Variants in DSTN observed in about 807,000 individuals in gnomAD.
DSTN encodes destrin, actin depolymerizing factor.
Under a neutral mutation model 16.8 loss-of-function variants are expected in DSTN, and 10 were observed. That is an observed-to-expected ratio of 0.60 (90% CI 0.37 to 1.01). The LOEUF (loss-of-function observed/expected upper bound fraction) is 1.01. DSTN is among the 50% of genes least tolerant of loss of function. The pLI is 0.01. For synonymous variants in DSTN, 57 were observed against 58.9 expected (o/e 0.97, Z 0.14); for missense variants, 141 against 196.7 (o/e 0.72, Z 1.69).
chr20:17,602,962 G>A (rs902220620), intron 2 of DSTN, among the ~76,000 whole-genome samples: 4 of 152,348 alleles, frequency 2.6e-5, no homozygotes, highest in Admixed American at 6.5e-5. Flanking sequence ...AGAGGTTGCA[G>A]TGAGCTGAGA....
intron 1 of DSTN, among the ~76,000 whole-genome samples, chr20:17,583,348 C>T (rs2035367385): frequency 6.6e-6 from 1 of 152,146 alleles, no homozygotes; most frequent in African/African-American, 2.4e-5. Flanking sequence ...CCTACATATC[C>T]AAGCAAAATG....
At chr20:17,606,934 G>A (rs1246707868) in intron 3 of DSTN, 103 bp from the exon 4 acceptor site, 6 of 1,087,604 alleles carry the variant, frequency 5.5e-6, no homozygotes, top group Non-Finnish European at 6.7e-6. Context: ...ATATACCCCA[G>A]TTTATCCAGA....
At chr20:17,604,682 A>T in intron 3 of DSTN, 51 bp downstream of exon 3, 1 of 1,544,626 alleles carries the variant, frequency 6.5e-7, no homozygotes, top group South Asian at 1.2e-5. Flanking sequence ...AACACTCAGA[A>T]TGGGGCAGCA....
At chr20:17,591,547 A>G (rs930571459) in intron 1 of DSTN, among the ~76,000 whole-genome samples, 1 of 152,226 alleles carries the variant, frequency 6.6e-6, no homozygotes, top group African/African-American at 2.4e-5. Flanking sequence ...CCCTATAGCA[A>G]TGAGCTACGA....
At chr20:17,591,749 C>T (rs1292615173) in intron 1 of DSTN, among the ~76,000 whole-genome samples, 2 of 152,144 alleles carry the variant, frequency 1.3e-5, no homozygotes, top group Admixed American at 6.5e-5. Context: ...GTTAAAGGAA[C>T]AAATTTAATT....
At chr20:17,605,760 GC>G (rs1452634974) in intron 3 of DSTN, among the ~76,000 whole-genome samples, 7 of 152,086 alleles carry the variant, frequency 4.6e-5, no homozygotes, top group African/African-American at 1.7e-4. Context: ...ATTCTGCATT[GC>G]CTTTCAGTAA....
In DSTN at chr20:17,583,735, C is replaced by CTTTTTTTTTTTTTTTTTTTTTTTTT. The variant is rs71192397; in HGVS notation, c.3+13547_3+13548insTTTTTTTTTTTTTTTTTTTTTTTTT. Among the ~76,000 whole-genome samples, 3 of 72,492 alleles carry CTTTTTTTTTTTTTTTTTTTTTTTTT rather than the reference C, an allele frequency of 4.1e-5. 1 individual carries two copies. Among genetic ancestry groups the CTTTTTTTTTTTTTTTTTTTTTTTTT allele is most frequent in the African/African-American group, 1.6e-4 (3 of 18,394 alleles). The allele number at this position is 72,492 out of a possible 152,430, so 47.6% of individuals were successfully genotyped here. On this transcript the variant is annotated intron_variant, in intron 1 of 3. Transcript: ENST00000246069. ...ATGACTGCTAATGGGTTTGGAGTTT[C>CTTTTTTTTTTTTTTTTTTTTTTTTT]TTTTTTTTTTTTTTTTTTTTTTTGA...
In DSTN at chr20:17,576,182, T is replaced by A. The variant is rs2035276501; in HGVS notation, c.3+5971T>A. 5 of 152,378 alleles carry A rather than the reference T, an allele frequency of 3.3e-5. No homozygotes were observed. The South Asian group carries it at 1.0e-3, about 32-fold the overall frequency. 9.4% of individuals were successfully genotyped at this position (152,378 alleles called of 1,614,324 possible). A position where few individuals can be genotyped will look rare whatever the true frequency, so the allele number is the denominator to read the frequency against. Reference sequence around the variant, plus strand: ...TTGAGTTGAATATTTAGAGTGATTCTTAGCTCCAAGATTAGTCTTCTAGAA... The same window carrying A: ...TTGAGTTGAATATTTAGAGTGATTCATAGCTCCAAGATTAGTCTTCTAGAA... On this transcript the variant is annotated intron_variant, in intron 1 of 3. Transcript: ENST00000246069.
At chr20:17,586,597 G>A (rs981830343) in intron 1 of DSTN, among the ~76,000 whole-genome samples, 7 of 152,124 alleles carry the variant, frequency 4.6e-5, no homozygotes, top group Non-Finnish European at 7.4e-5. Context: ...TTTTTAATTC[G>A]TAGTTTTGAT....
intron 2 of DSTN, among the ~76,000 whole-genome samples, chr20:17,603,440 CATTTT>C (rs1330332248): frequency 2.0e-5 from 3 of 152,070 alleles, no homozygotes; most frequent in Non-Finnish European, 4.4e-5. Context: ...TGGTATATGT[CATTTT>C]GTTTTAAGTC....
Position 17,607,357 on chromosome 20 carries a change from A to G in DSTN, c.*211A>G. The G allele has an allele frequency of 2.3e-6, 1 of 444,112 alleles. No individual in the cohort carries two copies. Among genetic ancestry groups the G allele is most frequent in the East Asian group, 3.5e-5 (1 of 28,734 alleles). The allele number at this position is 444,112 out of a possible 1,614,324, so 27.5% of individuals were successfully genotyped here. A position where few individuals can be genotyped will look rare whatever the true frequency, so the allele number is the denominator to read the frequency against. On this transcript the variant is annotated 3_prime_UTR_variant, in exon 4 of 4. Coordinates refer to ENST00000246069, the MANE Select transcript of DSTN (RefSeq NM_006870.4). ...TGTGAAATTAAATTCTTATTGGCCAAATGCCTGTTTTGATGAGTTGATTTA... is the reference window on the plus strand; with the variant it reads ...TGTGAAATTAAATTCTTATTGGCCAGATGCCTGTTTTGATGAGTTGATTTA...
chr20:17,595,692 G>A (rs1336834874), intron 1 of DSTN, among the ~76,000 whole-genome samples: 1 of 151,912 alleles, frequency 6.6e-6, no homozygotes, highest in Non-Finnish European at 1.5e-5. Context: ...TGTTTACTCT[G>A]TGACCCTGGG....
chr20:17,573,790 T>C (rs894344205), intron 1 of DSTN, among the ~76,000 whole-genome samples: 2 of 152,070 alleles, frequency 1.3e-5, no homozygotes, highest in Admixed American at 6.6e-5. Context: ...GTTTATTGCA[T>C]CTTAGGTTTT....
chr20:17,601,007 A>G lies in DSTN; in HGVS notation c.273A>G (p.Thr91=). The change falls in exon 2 of 4, where the codon ACA becomes ACG. Residue 91 remains threonine, a synonymous_variant. Coordinates refer to ENST00000246069, the MANE Select transcript of DSTN (RefSeq NM_006870.4). ...CTTTGTATGATGCAAGCTTTGAAAC[A>G]AAAGAATCCAGAAAAGAAGAGTTGA... ...RYALYDASFE[T]KESRKEELMF... is the part of the protein sequence containing the mutation. 1 of 1,605,304 alleles carries G rather than the reference A, an allele frequency of 6.2e-7. No homozygotes were observed. Among genetic ancestry groups the G allele is most frequent in the Non-Finnish European group, 8.5e-7 (1 of 1,176,186 alleles).
intron 1 of DSTN, among the ~76,000 whole-genome samples, chr20:17,579,507 C>G (rs1183578902): frequency 6.6e-6 from 1 of 152,102 alleles, no homozygotes; most frequent in East Asian, 1.9e-4. Flanking sequence ...TGCTTGAGCC[C>G]AGGAGCTTCA....
At position 17,605,977 on chromosome 20, in the gene DSTN, A is replaced by G. The variant is rs185738861; in HGVS notation, c.389-1060A>G. ...AAAAAAATTAGCCGGGCGTGGTGGC[A>G]CATGCCTGTAATCCCAGCTACTTGG... On this transcript the variant is annotated intron_variant, in intron 3 of 3. Coordinates refer to ENST00000246069, the MANE Select transcript of DSTN (RefSeq NM_006870.4). Among the ~76,000 whole-genome samples the G allele has an allele frequency of 4.9e-4, 75 of 152,054 alleles. 1 individual carries two copies. The Middle Eastern group carries it at 0.014, about 28-fold the overall frequency.
chr20:17,609,141 A>T lies in DSTN; in HGVS notation c.*1995A>T, dbSNP rs1271262609. Reference sequence around the variant, plus strand: ...AATATTTTGGAATTGTCTAGAAAATAGTGCTGGCTGCTTGTCATTCATCCT... The same window carrying T: ...AATATTTTGGAATTGTCTAGAAAATTGTGCTGGCTGCTTGTCATTCATCCT... On this transcript the variant is annotated 3_prime_UTR_variant, in exon 4 of 4. Transcript: ENST00000246069. The T allele has an allele frequency of 2.0e-5, 3 of 152,364 alleles. No homozygotes were observed. The highest frequency in any genetic ancestry group is 6.8e-3 in the Middle Eastern group (2 of 296). The allele number at this position is 152,364 out of a possible 1,614,324, so 9.4% of individuals were successfully genotyped here.
At chr20:17,601,173 A>G in intron 2 of DSTN, 128 bp downstream of exon 2, 2 of 1,203,150 alleles carry the variant, frequency 1.7e-6, no homozygotes, top group Admixed American at 3.3e-5. Flanking sequence ...TTTTATTTAC[A>G]GGTTTCATAA....
At chr20:17,570,358 G>T (rs186523520) in intron 1 of DSTN, 147 bp downstream of exon 1, 3 of 1,164,688 alleles carry the variant, frequency 2.6e-6, no homozygotes, top group East Asian at 3.2e-5. Flanking sequence ...CTGCGGGTGA[G>T]GGGGGGTCTC....
Sources: gnomAD v4.1 joint callset for allele counts (sites outside exome capture counted in the v4.1 genomes callset) on GRCh38, gnomAD v4.1.1 for gene constraint, MANE v1.5 for transcripts, NCBI Gene and HGNC (gene_info 2026-07-23, HGNC 2026-07-21) for gene names.